CDC14B: variants seen among roughly 807,000 people sequenced by gnomAD.
The protein encoded by CDC14B is cell division cycle 14B, also known as dual specificity protein phosphatase CDC14B.
In CDC14B, 22 loss-of-function variants were observed where a neutral mutation model predicts 64.2. The observed-to-expected ratio is 0.34, with a 90% CI of 0.24 to 0.49. The LOEUF is 0.49. Ranked by LOEUF, CDC14B falls within the 20% of genes least tolerant of loss-of-function variation. The pLI is 0.99. For missense variants in CDC14B, 498 were observed against 629.9 expected (o/e 0.79, Z 2.24); for synonymous variants, 191 against 215.8 (o/e 0.89, Z 1.01).
intron 12 of CDC14B, chr9:96,514,948 G>A: frequency 1.0e-6 from 1 of 984,890 alleles, no homozygotes; most frequent in Non-Finnish European, 1.2e-6. Context: ...TTCTGGCTAT[G>A]TCTGGGCAAG....
chr9:96,523,511 T>G, intron 10 of CDC14B, 76 bp downstream of exon 10: 1 of 1,603,672 alleles, frequency 6.2e-7, no homozygotes, highest in East Asian at 2.2e-5. Flanking sequence ...TGTTGGAAAC[T>G]AAAGGAAATT....
chr9:96,525,967 T>C (rs1041299117), intron 9 of CDC14B, among the ~76,000 whole-genome samples: 1 of 152,198 alleles, frequency 6.6e-6, no homozygotes, highest in African/African-American at 2.4e-5. Context: ...AATCCATATA[T>C]TGTTCTAAGT....
At chr9:96,525,906 G>A (rs912066299) in intron 9 of CDC14B, among the ~76,000 whole-genome samples, 2 of 152,130 alleles carry the variant, frequency 1.3e-5, no homozygotes, top group African/African-American at 4.8e-5. Context: ...TAAATTTGAG[G>A]GGGGCCAGAT....
intron 6 of CDC14B, among the ~76,000 whole-genome samples, chr9:96,540,932 T>C (rs1362711662): frequency 2.0e-5 from 3 of 152,202 alleles, no homozygotes; most frequent in African/African-American, 7.2e-5. Flanking sequence ...CCTCATTGAT[T>C]GATACAGGGA....
intron 7 of CDC14B, among the ~76,000 whole-genome samples, chr9:96,538,358 T>C (rs1839573697): frequency 6.6e-6 from 1 of 152,190 alleles, no homozygotes; most frequent in Non-Finnish European, 1.5e-5. Context: ...CTTGACTTTT[T>C]TTCACTCTAT....
intron 5 of CDC14B, among the ~76,000 whole-genome samples, chr9:96,546,031 C>A (rs1023326712): frequency 1.3e-5 from 2 of 152,044 alleles, no homozygotes; most frequent in Admixed American, 1.3e-4. Context: ...TTGGAAAACA[C>A]GTAAGAATCA....
chr9:96,534,362 C>T (rs1838970802), intron 8 of CDC14B, 93 bp downstream of exon 8: 5 of 916,144 alleles, frequency 5.5e-6, no homozygotes, highest in Admixed American at 4.2e-5. Context: ...TAATAATTAA[C>T]ACTTGGTCAA....
At chr9:96,558,954 T>C (rs538980953) in intron 4 of CDC14B, among the ~76,000 whole-genome samples, 1 of 152,338 alleles carries the variant, frequency 6.6e-6, no homozygotes, top group African/African-American at 2.4e-5. Flanking sequence ...GATAGCTGAA[T>C]GGGAAAGCCA....
rs59040963 is a variant in CDC14B, at chr9:96,545,329, CTTTTTT to C, written c.498-3443_498-3438del. On this transcript the variant is annotated intron_variant, in intron 5 of 13. Coordinates refer to ENST00000375241, the MANE Select transcript of CDC14B (RefSeq NM_033331.4). ...CTCTGTGAAGGAGTATGATTATTTT[CTTTTTT>C]TTTTTTTTTTTTGACAGTCTCCCCC... Among the ~76,000 whole-genome samples, 6 of 133,004 alleles carry C rather than the reference CTTTTTT, an allele frequency of 4.5e-5. No individual in the cohort carries two copies. In the South Asian group the frequency reaches 1.5e-3, roughly 32 times the overall value. 87.3% of individuals were successfully genotyped at this position (133,004 alleles called of 152,430 possible).
chr9:96,560,582 C>CTT lies in CDC14B; in HGVS notation c.420+2110_420+2111insAA, dbSNP rs373160930. Among the ~76,000 whole-genome samples, 131 of 127,646 alleles carry CTT rather than the reference C, an allele frequency of 1.0e-3. 12 individuals carry two copies. The highest frequency in any genetic ancestry group is 2.5e-3 in the African/African-American group (79 of 31,776). 83.7% of individuals were successfully genotyped at this position (127,646 alleles called of 152,430 possible). On this transcript the variant is annotated intron_variant, in intron 4 of 13. Transcript: ENST00000375241. ...GGTTCATACATAGACTTTTCTCTTT[C>CTT]TCTTTTTTTTTTTTTTTTTGAGACG...
In CDC14B at chr9:96,546,652, G is replaced by A. The variant is rs561361512; in HGVS notation, c.498-4760C>T. ...TTTAGTAGAGACAGGGTTTTACCAC[G>A]TTGGCCAGGCTCATCTTGAACTCCT... On this transcript the variant is annotated intron_variant, in intron 5 of 13. Transcript: ENST00000375241. 4.6e-5 allele frequency among the ~76,000 whole-genome samples: 7 copies of A among 152,138 alleles called. No homozygotes were observed. In the East Asian group the frequency reaches 7.8e-4, roughly 17 times the overall value.
chr9:96,587,734 A>C (rs903525839), intron 1 of CDC14B, among the ~76,000 whole-genome samples: 1 of 152,160 alleles, frequency 6.6e-6, no homozygotes. Flanking sequence ...AAGGAAGAGT[A>C]AGTAGCCTGC....
chr9:96,499,808 A>C (rs1364454838), downstream of CDC14B, among the ~76,000 whole-genome samples: 4 of 152,210 alleles, frequency 2.6e-5, no homozygotes, highest in Non-Finnish European at 5.9e-5. Context: ...AGAGGGGAGT[A>C]GAGGGGAAGA....
intron 6 of CDC14B, among the ~76,000 whole-genome samples, chr9:96,540,270 A>G (rs1246196125): frequency 2.0e-5 from 3 of 152,226 alleles, no homozygotes; most frequent in African/African-American, 7.2e-5. Flanking sequence ...CATATATGCA[A>G]TATTCAAAAT....
chr9:96,526,832 G>A (rs1214154950), intron 9 of CDC14B, among the ~76,000 whole-genome samples: 3 of 152,110 alleles, frequency 2.0e-5, no homozygotes, highest in East Asian at 1.9e-4. Context: ...CCAGATGCCC[G>A]TGGTACCCAA....
chr9:96,573,723 A>G (rs1308991783), intron 1 of CDC14B, among the ~76,000 whole-genome samples: 3 of 152,218 alleles, frequency 2.0e-5, no homozygotes, highest in Admixed American at 6.5e-5. Context: ...TGTAAATTGC[A>G]TGCTGATGTA....
At chr9:96,541,169 A>G (rs895748205) in intron 6 of CDC14B, among the ~76,000 whole-genome samples, 2 of 152,236 alleles carry the variant, frequency 1.3e-5, no homozygotes, top group Non-Finnish European at 2.9e-5. Context: ...TCCTGACATT[A>G]ATACCAGGAC....
chr9:96,575,386 T>A (rs921642260), intron 1 of CDC14B, among the ~76,000 whole-genome samples: 1 of 152,208 alleles, frequency 6.6e-6, no homozygotes, highest in African/African-American at 2.4e-5. Flanking sequence ...AAAAGTAATC[T>A]TATCTACAGA....
At chr9:96,564,307 C>T (rs1052547168) in intron 3 of CDC14B, among the ~76,000 whole-genome samples, 6 of 152,102 alleles carry the variant, frequency 3.9e-5, no homozygotes, top group Non-Finnish European at 7.4e-5. Flanking sequence ...GCCCCTTAAT[C>T]GTATGTATAA....
Sources: gnomAD v4.1 joint callset for allele counts (sites outside exome capture counted in the v4.1 genomes callset) on GRCh38, gnomAD v4.1.1 for gene constraint, MANE v1.5 for transcripts, NCBI Gene and HGNC (gene_info 2026-07-23, HGNC 2026-07-21) for gene names.